PTDSS1: variants seen among roughly 807,000 people sequenced by gnomAD.
PTDSS1 encodes phosphatidylserine synthase 1, also known as PSS-1.
In PTDSS1, 45 loss-of-function variants were observed where a neutral mutation model predicts 70.5. That is an observed-to-expected ratio of 0.64 (90% CI 0.50 to 0.82). The LOEUF is 0.82. Ranked by LOEUF, PTDSS1 falls within the 40% of genes least tolerant of loss-of-function variation. The pLI, the probability that PTDSS1 is intolerant of heterozygous loss-of-function variation, is 0.00. For synonymous variants in PTDSS1, 188 were observed against 203.8 expected (o/e 0.92, Z 0.66); for missense variants, 417 against 586.1 (o/e 0.71, Z 2.98).
chr8:96,266,954 AC>A (rs1308830230), intron 1 of PTDSS1, among the ~76,000 whole-genome samples: 1 of 152,144 alleles, frequency 6.6e-6, no homozygotes, highest in African/African-American at 2.4e-5. Flanking sequence ...CACTTGGGTG[AC>A]TTAAATATTT....
At chr8:96,306,398 A>G in intron 7 of PTDSS1, 46 bp from the exon 8 acceptor site, 1 of 1,355,944 alleles carries the variant, frequency 7.4e-7, no homozygotes, top group Admixed American at 1.7e-5. Context: ...GAGGATTTTG[A>G]ATTAGCATGA....
chr8:96,331,426 C>T (rs112665354), intron 12 of PTDSS1, among the ~76,000 whole-genome samples: 268 of 151,732 alleles, frequency 1.8e-3, no homozygotes, highest in African/African-American at 6.2e-3. Context: ...CTACTCAGGA[C>T]GCTGAGCCAG....
intron 10 of PTDSS1, among the ~76,000 whole-genome samples, chr8:96,326,330 C>T (rs903553384): frequency 6.6e-6 from 1 of 152,138 alleles, no homozygotes; most frequent in South Asian, 2.1e-4. Context: ...GTGCTTTGTA[C>T]GTAACTCTCA....
chr8:96,277,455 C>T (rs1198423803), intron 2 of PTDSS1, among the ~76,000 whole-genome samples: 2 of 152,202 alleles, frequency 1.3e-5, no homozygotes, highest in African/African-American at 4.8e-5. Context: ...AGTGTACATG[C>T]CCCTTCACAC....
chr8:96,318,741 G>A (rs1348025993), intron 9 of PTDSS1, among the ~76,000 whole-genome samples: 1 of 152,114 alleles, frequency 6.6e-6, no homozygotes, highest in Non-Finnish European at 1.5e-5. Context: ...AAGACAAATT[G>A]AGGAGAATTT....
chr8:96,304,788 C>T (rs1194600790), intron 7 of PTDSS1, among the ~76,000 whole-genome samples: 1 of 152,196 alleles, frequency 6.6e-6, no homozygotes, highest in East Asian at 1.9e-4. Flanking sequence ...TTTTCTGATG[C>T]TCCTGGCCCC....
intron 7 of PTDSS1, among the ~76,000 whole-genome samples, chr8:96,305,166 G>C (rs1188949316): frequency 1.3e-5 from 2 of 152,244 alleles, no homozygotes; most frequent in African/African-American, 4.8e-5. Flanking sequence ...AAGGAGGAAT[G>C]ATTGGATGTG....
chr8:96,317,586 T>C (rs1811313108), intron 9 of PTDSS1, among the ~76,000 whole-genome samples: 1 of 151,802 alleles, frequency 6.6e-6, no homozygotes, highest in African/African-American at 2.4e-5. Context: ...AATACAAAAA[T>C]TAGCTGGGCG....
At chr8:96,268,975 C>G (rs1810524634) in intron 1 of PTDSS1, among the ~76,000 whole-genome samples, 1 of 152,152 alleles carries the variant, frequency 6.6e-6, no homozygotes, top group Non-Finnish European at 1.5e-5. Context: ...TGTGTCAGGG[C>G]ATTGTGCCAG....
At position 96,261,996 on chromosome 8, in the gene PTDSS1, T is replaced by C; in HGVS notation, c.-45T>C. The C allele has an allele frequency of 6.3e-7, 1 of 1,581,292 alleles. No individual in the cohort carries two copies. Among genetic ancestry groups the C allele is most frequent in the Non-Finnish European group, 8.6e-7 (1 of 1,162,658 alleles). On this transcript the variant is annotated 5_prime_UTR_variant, in exon 1 of 13. Transcript: ENST00000517309. ...AGTCACCCCCGGGGTCCCGGCCTTC[T>C]CGGGCTGGGGCCGCCGCCACCGCGG...
chr8:96,279,381 C>G (rs1261456072), intron 2 of PTDSS1, among the ~76,000 whole-genome samples: 1 of 151,418 alleles, frequency 6.6e-6, no homozygotes, highest in East Asian at 1.9e-4. Flanking sequence ...CATTTGACTT[C>G]TCTTTGCTAA....
chr8:96,292,599 G>A (rs1330372734), intron 4 of PTDSS1, among the ~76,000 whole-genome samples: 1 of 152,188 alleles, frequency 6.6e-6, no homozygotes, highest in Non-Finnish European at 1.5e-5. Context: ...GTATGAAAAG[G>A]CCATGGAAGG....
At chr8:96,331,909 A>G (rs1811521394) in intron 12 of PTDSS1, among the ~76,000 whole-genome samples, 1 of 150,284 alleles carries the variant, frequency 6.7e-6, no homozygotes, top group South Asian at 2.2e-4. Flanking sequence ...AATTAGCCAG[A>G]TGTGGTGGCA....
intron 9 of PTDSS1, among the ~76,000 whole-genome samples, chr8:96,312,407 T>C (rs1215677970): frequency 6.6e-6 from 1 of 151,436 alleles, no homozygotes; most frequent in Non-Finnish European, 1.5e-5. Context: ...TGCATTGAGC[T>C]ATGATTGTGC....
chr8:96,311,242 C>T (rs1295107912), intron 9 of PTDSS1, among the ~76,000 whole-genome samples: 27 of 152,236 alleles, frequency 1.8e-4, no homozygotes. Flanking sequence ...CCAGAGACAT[C>T]CAGCAAATCT....
chr8:96,304,548 C>T (rs887472846), intron 7 of PTDSS1, among the ~76,000 whole-genome samples: 20 of 152,182 alleles, frequency 1.3e-4, no homozygotes, highest in African/African-American at 4.8e-4. Flanking sequence ...ATTCCTAATT[C>T]AGTGTTTATT....
At chr8:96,279,107 A>G (rs1810695127) in intron 2 of PTDSS1, among the ~76,000 whole-genome samples, 1 of 149,514 alleles carries the variant, frequency 6.7e-6, no homozygotes, top group South Asian at 2.1e-4. Flanking sequence ...AGTAGCTGGG[A>G]TTACAGGTGC....
At chr8:96,283,942 T>C (rs749765459) in intron 2 of PTDSS1, among the ~76,000 whole-genome samples, 167 bp from the exon 3 acceptor site, 1 of 151,938 alleles carries the variant, frequency 6.6e-6, no homozygotes, top group Non-Finnish European at 1.5e-5. Flanking sequence ...GGAGAAAACA[T>C]TTCAACCAAA....
intron 2 of PTDSS1, among the ~76,000 whole-genome samples, chr8:96,276,492 A>G (rs1810643123): frequency 6.6e-6 from 1 of 152,192 alleles, no homozygotes; most frequent in Admixed American, 6.5e-5. Flanking sequence ...TGATACGCAC[A>G]AAGGGAGGAG....
Sources: allele counts gnomAD v4.1 joint callset (sites outside exome capture counted in the v4.1 genomes callset), GRCh38; gene constraint gnomAD v4.1.1; transcripts MANE v1.5; gene names NCBI Gene and HGNC (gene_info 2026-07-23, HGNC 2026-07-21).